The following SOS1 variants were observed in gnomAD, a reference collection of about 807,000 sequenced individuals.
The protein encoded by SOS1 is son of sevenless homolog 1.
A neutral mutation model predicts 157.6 loss-of-function variants in SOS1; 25 were observed. The observed-to-expected ratio is 0.16, with a 90% CI of 0.12 to 0.22. The LOEUF (loss-of-function observed/expected upper bound fraction) is 0.22. Ranked by LOEUF, SOS1 falls within the 10% of genes least tolerant of loss-of-function variation. The probability of loss-of-function intolerance (pLI) is 1.00; values close to 1 mark genes in which losing one functional copy is unlikely to be tolerated. For missense variants in SOS1, 1,237 were observed against 1,599.1 expected (o/e 0.77, Z 3.86); for synonymous variants, 528 against 534.0 (o/e 0.99, Z 0.16).
intron 2 of SOS1, among the ~76,000 whole-genome samples, chr2:39,059,207 T>TAC: frequency 6.6e-6 from 1 of 152,170 alleles, no homozygotes; most frequent in East Asian, 1.9e-4. Context: ...CATGCAGCAT[T>TAC]TTTCAATTGA....
intron 1 of SOS1, among the ~76,000 whole-genome samples, chr2:39,115,406 C>CTTTTT (rs550526461): frequency 7.8e-5 from 5 of 64,046 alleles, no homozygotes; most frequent in African/African-American, 2.0e-4. Context: ...TGTTCTCTCT[C>CTTTTT]TTTTTTTTTT....
intron 8 of SOS1, among the ~76,000 whole-genome samples, chr2:39,026,549 A>G (rs1669971810): frequency 6.6e-6 from 1 of 152,220 alleles, no homozygotes; most frequent in Non-Finnish European, 1.5e-5. Flanking sequence ...GCCAGGGTTC[A>G]TAAAGAAAGA....
At chr2:39,110,189 G>A (rs1352495163) in intron 1 of SOS1, among the ~76,000 whole-genome samples, 1 of 151,978 alleles carries the variant, frequency 6.6e-6, no homozygotes, top group African/African-American at 2.4e-5. Context: ...AGGAAATGGT[G>A]TAGCATTTGC....
chr2:39,089,160 T>C (rs378698), intron 1 of SOS1, among the ~76,000 whole-genome samples: 142,142 of 152,254 alleles, frequency 0.93, 66,468 homozygotes, highest in African/African-American at 0.97. Flanking sequence ...AAACACTGAT[T>C]CAATATTAGG....
At chr2:39,115,406 CTTTTT>C (rs550526461) in intron 1 of SOS1, among the ~76,000 whole-genome samples, 9 of 64,046 alleles carry the variant, frequency 1.4e-4, no homozygotes, top group East Asian at 1.1e-3. Flanking sequence ...TGTTCTCTCT[CTTTTT>C]TTTTTTTTTT....
At chr2:39,082,833 T>C (rs1672254083) in intron 1 of SOS1, 1 of 152,182 alleles carries the variant, frequency 6.6e-6, no homozygotes, top group Non-Finnish European at 1.5e-5. Flanking sequence ...GAAGAAAGAA[T>C]TGTACTTTGG....
In SOS1 at chr2:39,006,473, A is replaced by G; in HGVS notation, c.2730T>C (p.Asp910=). 1 of 1,610,344 alleles carries G rather than the reference A, an allele frequency of 6.2e-7. No homozygotes were observed. Among genetic ancestry groups the G allele is most frequent in the East Asian group, 2.2e-5 (1 of 44,736 alleles). ...GTTTTGCCAAATATTTCTTATAGTG[A>G]TCTTCACTCAATTCATGAGCTTCTT... ...ILEEAHELSE[D]HYKKYLAKLR... Residue 910 remains aspartate (D), a synonymous_variant, in exon 17 of 23, where the codon GAT becomes GAC. Coordinates refer to ENST00000402219, the MANE Select transcript of SOS1 (RefSeq NM_005633.4).
intron 6 of SOS1, among the ~76,000 whole-genome samples, chr2:39,039,184 G>A (rs1012061547): frequency 2.0e-5 from 3 of 152,194 alleles, no homozygotes; most frequent in Middle Eastern, 3.2e-3. Flanking sequence ...ACAGGATAGT[G>A]TAAACATAAC....
At chr2:39,064,732 T>C (rs1671532744) in intron 2 of SOS1, among the ~76,000 whole-genome samples, 1 of 137,274 alleles carries the variant, frequency 7.3e-6, no homozygotes, top group Non-Finnish European at 1.6e-5. Flanking sequence ...TTGATCTATT[T>C]TTAAAATACA....
At chr2:39,014,928 T>A in intron 10 of SOS1, 82 bp from the exon 11 acceptor site, 1 of 838,946 alleles carries the variant, frequency 1.2e-6, no homozygotes, top group South Asian at 1.4e-5. Flanking sequence ...TCAAAATAGA[T>A]CAAATAGTCA....
intron 6 of SOS1, among the ~76,000 whole-genome samples, chr2:39,040,167 A>G (rs1279212068): frequency 6.6e-6 from 1 of 150,706 alleles, no homozygotes; most frequent in Non-Finnish European, 1.5e-5. Context: ...GCCCGCCACT[A>G]CACCCGGCTA....
chr2:39,106,046 G>C (rs780316177), intron 1 of SOS1, among the ~76,000 whole-genome samples: 4 of 151,958 alleles, frequency 2.6e-5, no homozygotes, highest in Non-Finnish European at 4.4e-5. Context: ...GTAAAACCCT[G>C]TCTCTAACAA....
At chr2:38,997,492 A>G (rs1049183126) in intron 17 of SOS1, 67 bp from the exon 18 acceptor site, 349 of 1,117,352 alleles carry the variant, frequency 3.1e-4, no homozygotes, top group Non-Finnish European at 2.4e-4. Context: ...CTGTTTCATT[A>G]ATTGTGGGTA....
At chr2:39,021,525 G>GAAAA (rs70954777) in intron 10 of SOS1, among the ~76,000 whole-genome samples, 1 of 104,702 alleles carries the variant, frequency 9.6e-6, no homozygotes, top group Non-Finnish European at 2.0e-5. Flanking sequence ...TGCTCTACAG[G>GAAAA]AAAAAAAAAA....
At position 39,093,688 on chromosome 2, in the gene SOS1, CCAGCAGAG is replaced by C. The variant is rs1672670633; in HGVS notation, c.88-25943_88-25936del. On this transcript the variant is annotated intron_variant, in intron 1 of 22. Coordinates refer to ENST00000402219, the MANE Select transcript of SOS1 (RefSeq NM_005633.4). ...TGTGACTACAGCAGAGTCAGCAGAGCCAGCAGAGCTGGAGATGAGATCAGAGAGATAGT... is the reference window on the plus strand; with the variant it reads ...TGTGACTACAGCAGAGTCAGCAGAGCCTGGAGATGAGATCAGAGAGATAGT... 2.6e-5 allele frequency among the ~76,000 whole-genome samples: 4 copies of C among 152,252 alleles called. No homozygotes were observed. In the East Asian group the frequency reaches 7.7e-4, roughly 29 times the overall value.
At chr2:39,049,283 A>G (rs929821331) in intron 6 of SOS1, among the ~76,000 whole-genome samples, 1 of 152,226 alleles carries the variant, frequency 6.6e-6, no homozygotes, top group African/African-American at 2.4e-5. Context: ...ATTCTCAGTG[A>G]AGTCCTCAAT....
chr2:39,124,451 G>A (rs1259647347), upstream of SOS1: 1 of 152,354 alleles, frequency 6.6e-6, no homozygotes, highest in African/African-American at 2.4e-5. Flanking sequence ...CGTCCAGGCG[G>A]GCTAGCCGAG....
chr2:39,071,474 A>AC (rs1671790893), intron 1 of SOS1, among the ~76,000 whole-genome samples: 1 of 152,244 alleles, frequency 6.6e-6, no homozygotes, highest in Admixed American at 6.5e-5. Context: ...TGAAAAGGGA[A>AC]AATCATCATT....
At chr2:39,058,650 A>G (rs1024876667) in intron 3 of SOS1, 23 bp downstream of exon 3, 1 of 1,610,804 alleles carries the variant, frequency 6.2e-7, no homozygotes. Flanking sequence ...TTAAAAGGCA[A>G]GAAGGCAGTA....
Sources: allele counts gnomAD v4.1 joint callset (sites outside exome capture counted in the v4.1 genomes callset), GRCh38; gene constraint gnomAD v4.1.1; transcripts MANE v1.5; gene names NCBI Gene and HGNC (gene_info 2026-07-23, HGNC 2026-07-21).